Variants in BPNT1 observed in about 807,000 individuals in gnomAD.
BPNT1 encodes the protein 3'(2'),5'-bisphosphate nucleotidase 1.
Under a neutral mutation model 36.9 loss-of-function variants are expected in BPNT1, and 28 were observed. The ratio of observed to expected loss-of-function variants is 0.76; its 90% CI spans 0.56 to 1.04. The LOEUF (loss-of-function observed/expected upper bound fraction) is 1.04. Ranked by LOEUF, BPNT1 falls within the 50% of genes least tolerant of loss-of-function variation. The pLI, the probability that BPNT1 is intolerant of heterozygous loss-of-function variation, is 0.00. For synonymous variants in BPNT1, 119 were observed against 130.9 expected (o/e 0.91, Z 0.62); for missense variants, 313 against 372.9 (o/e 0.84, Z 1.32).
At chr1:220,089,259 G>C (rs1656085223) in intron 1 of BPNT1, among the ~76,000 whole-genome samples, 1 of 152,174 alleles carries the variant, frequency 6.6e-6, no homozygotes, top group Non-Finnish European at 1.5e-5. Context: ...ACCCTCTTAG[G>C]AGAGTTTTGA....
chr1:220,063,223 C>A (rs535995601), intron 6 of BPNT1, among the ~76,000 whole-genome samples: 1 of 152,198 alleles, frequency 6.6e-6, no homozygotes, highest in South Asian at 2.1e-4. Flanking sequence ...TGGTGGGTGC[C>A]TGTAGTCCCA....
intron 1 of BPNT1, among the ~76,000 whole-genome samples, chr1:220,085,397 C>T (rs1489024009): frequency 1.3e-5 from 2 of 152,210 alleles, no homozygotes; most frequent in Non-Finnish European, 1.5e-5. Context: ...AGCCCACTAC[C>T]TGTGTTCAAA....
intron 6 of BPNT1, 140 bp downstream of exon 6, chr1:220,067,162 A>G (rs1382547481): frequency 1.1e-5 from 3 of 261,492 alleles, no homozygotes; most frequent in African/African-American, 6.8e-5. Context: ...ATAAATAAAT[A>G]AAATTTAAAA....
chr1:220,083,154 A>T, intron 1 of BPNT1, among the ~76,000 whole-genome samples: 2 of 150,762 alleles, frequency 1.3e-5, no homozygotes, highest in African/African-American at 2.4e-5. Flanking sequence ...GGAGAATCAC[A>T]TGAACCCAGG....
chr1:220,073,949 GTC>G lies in BPNT1; in HGVS notation c.225+16_225+17del. The G allele has an allele frequency of 1.2e-6, 2 of 1,600,076 alleles. No individual in the cohort carries two copies. Among genetic ancestry groups the G allele is most frequent in the Non-Finnish European group, 1.7e-6 (2 of 1,168,878 alleles). On this transcript the variant is annotated intron_variant, in intron 3 of 8. Coordinates refer to ENST00000322067, the MANE Select transcript of BPNT1 (RefSeq NM_006085.6). ...TGGTAAACAGAGATTTTAAAAAAATGTCTCTGATGACGCTTACCTCTTCCCCT... is the reference window on the plus strand; with the variant it reads ...TGGTAAACAGAGATTTTAAAAAAATGTCTGATGACGCTTACCTCTTCCCCT...
chr1:220,089,101 GAAAAAAAAAA>G (rs764942826), intron 1 of BPNT1, among the ~76,000 whole-genome samples: 4 of 39,156 alleles, frequency 1.0e-4, no homozygotes, highest in Non-Finnish European at 1.4e-4. Flanking sequence ...ACTCCGTCTC[GAAAAAAAAAA>G]AAAAAAAAAA....
chr1:220,079,711 A>T lies in BPNT1; in HGVS notation c.120+16T>A, dbSNP rs975432238. On this transcript the variant is annotated intron_variant, in intron 2 of 8. Coordinates refer to ENST00000322067, the MANE Select transcript of BPNT1 (RefSeq NM_006085.6). ...AAAAATCAAGTTGGTATGAAATGAT[A>T]TGAGAGTTTGAGTACCTTCTCCACA... 1 of 1,613,590 alleles carries T rather than the reference A, an allele frequency of 6.2e-7. No homozygotes were observed. The highest frequency in any genetic ancestry group is 8.5e-7 in the Non-Finnish European group (1 of 1,179,894).
At chr1:220,085,086 A>G (rs1297204314) in intron 1 of BPNT1, among the ~76,000 whole-genome samples, 2 of 151,862 alleles carry the variant, frequency 1.3e-5, no homozygotes, top group African/African-American at 2.4e-5. Flanking sequence ...AAAAAAAAAA[A>G]GAAAAAATAC....
At chr1:220,060,054 T>C (rs34406824) in intron 7 of BPNT1, among the ~76,000 whole-genome samples, 7,579 of 152,256 alleles carry the variant, frequency 0.05, 229 homozygotes, top group East Asian at 0.12. Flanking sequence ...ATCTGAACTG[T>C]CTCCATATTC....
intron 1 of BPNT1, among the ~76,000 whole-genome samples, chr1:220,083,929 G>A (rs566827963): frequency 1.3e-5 from 2 of 152,138 alleles, no homozygotes; most frequent in South Asian, 4.2e-4. Flanking sequence ...TAATGTGTTT[G>A]TTTTATGATA....
chr1:220,058,172 T>C lies in BPNT1; in HGVS notation c.*672A>G, dbSNP rs897216627. 3 of 991,190 alleles carry C rather than the reference T, an allele frequency of 3.0e-6. No individual in the cohort carries two copies. The African/African-American group carries it at 5.2e-5, about 17-fold the overall frequency. 61.4% of individuals were successfully genotyped at this position (991,190 alleles called of 1,614,324 possible). ...GCCTAGGCTACAGAGCGAGACTCCG[T>C]CTCAGGAAAAAAAAAGAGAAATCTG... On this transcript the variant is annotated 3_prime_UTR_variant, in exon 9 of 9. Coordinates refer to ENST00000322067, the MANE Select transcript of BPNT1 (RefSeq NM_006085.6).
chr1:220,077,021 C>T (rs1664613979), intron 2 of BPNT1, among the ~76,000 whole-genome samples: 1 of 152,146 alleles, frequency 6.6e-6, no homozygotes, highest in Non-Finnish European at 1.5e-5. Flanking sequence ...ATATCATCTT[C>T]CACTTCAGCT....
chr1:220,061,775 A>G (rs1230647214), intron 7 of BPNT1, among the ~76,000 whole-genome samples: 1 of 152,132 alleles, frequency 6.6e-6, no homozygotes, highest in East Asian at 1.9e-4. Flanking sequence ...TGTCATCATA[A>G]TGATATCTAG....
At chr1:220,064,058 T>A (rs952374408) in intron 6 of BPNT1, among the ~76,000 whole-genome samples, 1 of 152,186 alleles carries the variant, frequency 6.6e-6, no homozygotes, top group Non-Finnish European at 1.5e-5. Context: ...CTAAGTGCTT[T>A]ACATGTATTA....
At position 220,057,819 on chromosome 1, in the gene BPNT1, A is replaced by G; in HGVS notation, c.*1025T>C. On this transcript the variant is annotated 3_prime_UTR_variant, in exon 9 of 9. Coordinates refer to ENST00000322067, the MANE Select transcript of BPNT1 (RefSeq NM_006085.6). Reference sequence around the variant, plus strand: ...CATCATATATATTCTTAATTGGAGTAGAAACGTTTTTAAAATTACTGTGAA... The same window carrying G: ...CATCATATATATTCTTAATTGGAGTGGAAACGTTTTTAAAATTACTGTGAA... 4 of 1,272,878 alleles carry G rather than the reference A, an allele frequency of 3.1e-6. No individual in the cohort carries two copies. The highest frequency in any genetic ancestry group is 4.2e-6 in the Non-Finnish European group (4 of 962,928). The allele number at this position is 1,272,878 out of a possible 1,614,324, so 78.8% of individuals were successfully genotyped here. A position where few individuals can be genotyped will look rare whatever the true frequency, so the allele number is the denominator to read the frequency against.
intron 2 of BPNT1, among the ~76,000 whole-genome samples, chr1:220,077,120 A>G (rs1210227085): frequency 6.6e-6 from 1 of 152,212 alleles, no homozygotes; most frequent in Non-Finnish European, 1.5e-5. Context: ...TGATCAGCCA[A>G]CAGTGATCCT....
intron 1 of BPNT1, among the ~76,000 whole-genome samples, chr1:220,080,721 A>G (rs1665028390): frequency 6.6e-6 from 1 of 152,188 alleles, no homozygotes; most frequent in African/African-American, 2.4e-5. Flanking sequence ...ATTTAAGATG[A>G]GATTTGGGTG....
At chr1:220,065,588 G>A (rs1018813020) in intron 6 of BPNT1, among the ~76,000 whole-genome samples, 1 of 152,174 alleles carries the variant, frequency 6.6e-6, no homozygotes, top group Non-Finnish European at 1.5e-5. Context: ...GTTTGGATTT[G>A]AGTTTGAATC....
intron 1 of BPNT1, among the ~76,000 whole-genome samples, chr1:220,080,969 CT>C (rs2102747099): frequency 6.6e-6 from 1 of 152,324 alleles, no homozygotes; most frequent in South Asian, 2.1e-4. Context: ...AGTACGTTGC[CT>C]TTTCCTTTTT....
Sources: gnomAD v4.1 joint callset for allele counts (sites outside exome capture counted in the v4.1 genomes callset) on GRCh38, gnomAD v4.1.1 for gene constraint, MANE v1.5 for transcripts, NCBI Gene and HGNC (gene_info 2026-07-23, HGNC 2026-07-21) for gene names.